CTSO: variants seen among roughly 807,000 people sequenced by gnomAD.
CTSO encodes the protein cathepsin O.
In CTSO, 40 loss-of-function variants were observed where a neutral mutation model predicts 42.4. The observed-to-expected ratio is 0.94, with a 90% confidence interval of 0.73 to 1.23. CTSO has a LOEUF of 1.23. Ranked by LOEUF, CTSO falls within the 50% of genes most tolerant of loss-of-function variation. The pLI is 0.00. For synonymous variants in CTSO, 156 were observed against 146.2 expected (o/e 1.07, Z -0.48); for missense variants, 441 against 396.0 (o/e 1.11, Z -0.96).
chr4:155,944,202 A>G lies in CTSO; in HGVS notation c.136-938T>C, dbSNP rs1288518018. ...TTGTTGTTGAATAAATAGATAAGTG[A>G]CATTTTCCATATCATGCCCTTAATA... On this transcript the variant is annotated intron_variant, in intron 1 of 7. Transcript: ENST00000433477. 3.9e-5 allele frequency among the ~76,000 whole-genome samples: 6 copies of G among 152,326 alleles called. No individual in the cohort carries two copies. The South Asian group carries it at 1.2e-3, about 32-fold the overall frequency.
chr4:155,938,359 A>G (rs1476501028), intron 4 of CTSO, among the ~76,000 whole-genome samples: 1 of 152,220 alleles, frequency 6.6e-6, no homozygotes, highest in Non-Finnish European at 1.5e-5. Context: ...GTGATTAAAA[A>G]TGCAACCAAT....
chr4:155,941,383 T>C (rs1469791841), intron 3 of CTSO, among the ~76,000 whole-genome samples: 1 of 152,134 alleles, frequency 6.6e-6, no homozygotes, highest in Non-Finnish European at 1.5e-5. Flanking sequence ...CTACATGCAT[T>C]ATAGGTCATA....
In CTSO at chr4:155,929,721, A is replaced by C; in HGVS notation, c.675-16T>G. On this transcript the variant is annotated splice_polypyrimidine_tract_variant and intron_variant, in intron 5 of 7. Transcript: ENST00000433477. Reference sequence around the variant, plus strand: ...TTCTTGGTCACTACCAAAAGAGGAAATATTTGGTTAGAAAATTTAGTTTTT... The same window carrying C: ...TTCTTGGTCACTACCAAAAGAGGAACTATTTGGTTAGAAAATTTAGTTTTT... The C allele has an allele frequency of 6.3e-7, 1 of 1,594,274 alleles. No individual in the cohort carries two copies. Among genetic ancestry groups the C allele is most frequent in the Non-Finnish European group, 8.5e-7 (1 of 1,173,430 alleles).
intron 1 of CTSO, among the ~76,000 whole-genome samples, chr4:155,950,621 T>C (rs1482053039): frequency 6.6e-6 from 1 of 152,108 alleles, no homozygotes; most frequent in East Asian, 1.9e-4. Context: ...CTGTGGCCTG[T>C]TAACGACCAG....
At chr4:155,939,278 T>C in intron 4 of CTSO, 93 bp downstream of exon 4, 1 of 1,085,504 alleles carries the variant, frequency 9.2e-7, no homozygotes, top group South Asian at 2.3e-5. Flanking sequence ...GAAACATTAT[T>C]TAATATATGT....
At chr4:155,942,533 G>A (rs888321418) in intron 2 of CTSO, 77 bp from the exon 3 acceptor site, 1 of 647,644 alleles carries the variant, frequency 1.5e-6, no homozygotes, top group Admixed American at 5.1e-5. Flanking sequence ...ATATATATTT[G>A]TTATATATAA....
chr4:155,929,650 T>G lies in CTSO; in HGVS notation c.730A>C (p.Ile244Leu). ...TCTTGCCAGCTCACTGCATCTACTA[T>G]GACTACCAAAGGGCCAAAGGTAAGA... ...ALLTFGPLVV[I>L]VDAVSWQDYL... is the part of the protein sequence containing the mutation. The change falls in exon 6 of 8, where the codon ATA (isoleucine) becomes CTA (leucine). Residue 244 changes from isoleucine to leucine, a missense_variant. Coordinates refer to ENST00000433477, the MANE Select transcript of CTSO (RefSeq NM_001334.3). 1 of 1,614,028 alleles carries G rather than the reference T, an allele frequency of 6.2e-7. No individual in the cohort carries two copies. The highest frequency in any genetic ancestry group is 8.5e-7 in the Non-Finnish European group (1 of 1,180,000).
intron 5 of CTSO, among the ~76,000 whole-genome samples, chr4:155,932,743 G>T (rs924713071): frequency 6.6e-6 from 1 of 152,080 alleles, no homozygotes; most frequent in Non-Finnish European, 1.5e-5. Context: ...AGCACTAACT[G>T]GTTTAATCAA....
intron 5 of CTSO, among the ~76,000 whole-genome samples, chr4:155,933,522 A>G (rs1743271907): frequency 6.6e-6 from 1 of 152,206 alleles, no homozygotes; most frequent in Admixed American, 6.5e-5. Context: ...TAATAGGCAG[A>G]CAGTTGGAAC....
intron 1 of CTSO, 21 bp downstream of exon 1, chr4:155,953,692 G>A (rs952834288): frequency 1.6e-6 from 2 of 1,258,780 alleles, no homozygotes. Flanking sequence ...GACAGATCCC[G>A]GGGAGGCGCG....
intron 5 of CTSO, among the ~76,000 whole-genome samples, chr4:155,936,022 T>G (rs2110916641): frequency 6.6e-6 from 1 of 152,282 alleles, no homozygotes; most frequent in African/African-American, 2.4e-5. Context: ...TGATAAGGGA[T>G]TCCCTTAATC....
chr4:155,949,429 C>T (rs80113361), intron 1 of CTSO, among the ~76,000 whole-genome samples: 2,277 of 152,160 alleles, frequency 0.015, 73 homozygotes, highest in African/African-American at 0.051. Context: ...TATCAATATA[C>T]GCAATGATGT....
chr4:155,945,869 G>A (rs994996052), intron 1 of CTSO, among the ~76,000 whole-genome samples: 1 of 151,934 alleles, frequency 6.6e-6, no homozygotes, highest in Non-Finnish European at 1.5e-5. Flanking sequence ...TCATCAGTAC[G>A]ATACACCATA....
At chr4:155,935,193 C>T (rs986982691) in intron 5 of CTSO, among the ~76,000 whole-genome samples, 13 of 152,114 alleles carry the variant, frequency 8.5e-5, no homozygotes, top group African/African-American at 3.1e-4. Flanking sequence ...CTCTTGCTGC[C>T]GCCACGTAAG....
Position 155,937,356 on chromosome 4 carries a change from C to T in CTSO, c.674+6G>A, listed in dbSNP as rs763411023. ...AAAGAAAAACATAATACAATAAGAT[C>T]TTTACCTGAAGTCATATGCAGAATA... On this transcript the variant is annotated splice_donor_region_variant and intron_variant, in intron 5 of 7. Coordinates refer to ENST00000433477, the MANE Select transcript of CTSO (RefSeq NM_001334.3). 7.8e-5 allele frequency: 124 copies of T among 1,597,898 alleles called. No homozygotes were observed. The highest frequency in any genetic ancestry group is 5.0e-4 in the Middle Eastern group (3 of 6,004).
chr4:155,946,056 T>A (rs568661339), intron 1 of CTSO, among the ~76,000 whole-genome samples: 1 of 152,262 alleles, frequency 6.6e-6, no homozygotes, highest in South Asian at 2.1e-4. Flanking sequence ...GACTCTTGAG[T>A]GTAGGCAATG....
chr4:155,934,187 C>T (rs1743288077), intron 5 of CTSO, among the ~76,000 whole-genome samples: 1 of 152,168 alleles, frequency 6.6e-6, no homozygotes, highest in Admixed American at 6.5e-5. Context: ...AGCCATGGCT[C>T]AAAGGGGCCA....
At chr4:155,951,446 G>C (rs1482972066) in intron 1 of CTSO, among the ~76,000 whole-genome samples, 1 of 152,172 alleles carries the variant, frequency 6.6e-6, no homozygotes. Flanking sequence ...CCAAAGTCAG[G>C]TGTCTTGTGA....
chr4:155,937,119 A>T (rs1467097757), intron 5 of CTSO, among the ~76,000 whole-genome samples: 2 of 152,074 alleles, frequency 1.3e-5, no homozygotes, highest in African/African-American at 4.8e-5. Context: ...ATACATATAA[A>T]TTGTACCTTA....
Sources: gnomAD v4.1 joint callset for allele counts (sites outside exome capture counted in the v4.1 genomes callset) on GRCh38, gnomAD v4.1.1 for gene constraint, MANE v1.5 for transcripts, NCBI Gene and HGNC (gene_info 2026-07-23, HGNC 2026-07-21) for gene names.